SDCCAG8: variants seen among roughly 807,000 people sequenced by gnomAD.
The protein encoded by SDCCAG8 is serologically defined colon cancer antigen 8.
A neutral mutation model predicts 101.8 loss-of-function variants in SDCCAG8; 74 were observed. The observed-to-expected ratio is 0.73, with a 90% CI of 0.60 to 0.88. SDCCAG8 has a LOEUF of 0.88. Among genes scored for constraint, SDCCAG8 ranks in the 40% least tolerant of loss-of-function variants. The pLI is 0.00. For synonymous variants in SDCCAG8, 281 were observed against 292.9 expected (o/e 0.96, Z 0.41); for missense variants, 787 against 822.6 (o/e 0.96, Z 0.53).
intron 4 of SDCCAG8, among the ~76,000 whole-genome samples, chr1:243,283,674 C>A (rs1254153418): frequency 2.0e-5 from 3 of 151,982 alleles, no homozygotes; most frequent in African/African-American, 7.2e-5. Flanking sequence ...GCTTATATTA[C>A]CCCGCTGTTC....
In SDCCAG8 at chr1:243,432,457, T is replaced by G. The variant is rs192040600; in HGVS notation, c.1985+5899T>G. 6.0e-4 allele frequency among the ~76,000 whole-genome samples: 92 copies of G among 152,302 alleles called. 1 individual carries two copies. The East Asian group carries it at 0.013, about 22-fold the overall frequency. On this transcript the variant is annotated intron_variant, in intron 16 of 17. Coordinates refer to ENST00000366541, the MANE Select transcript of SDCCAG8 (RefSeq NM_006642.5). ...CGGCTTAATACTAGGGTGACAGTTA[T>G]AATCTCTTCACAATCTCCCATGATA...
intron 13 of SDCCAG8, among the ~76,000 whole-genome samples, chr1:243,390,362 C>T (rs574766733): frequency 2.6e-5 from 4 of 152,200 alleles, no homozygotes; most frequent in African/African-American, 7.2e-5. Flanking sequence ...TTCCTTCCCC[C>T]ACCCAGTATC....
intron 9 of SDCCAG8, among the ~76,000 whole-genome samples, chr1:243,329,870 A>G (rs894493557): frequency 1.1e-4 from 16 of 152,340 alleles, no homozygotes; most frequent in African/African-American, 3.1e-4. Context: ...AATTTACAGT[A>G]AAGGACAATC....
chr1:243,463,279 A>C (rs1179394752), intron 16 of SDCCAG8, among the ~76,000 whole-genome samples: 1 of 152,280 alleles, frequency 6.6e-6, no homozygotes, highest in Admixed American at 6.5e-5. Context: ...TGAGAAGGCC[A>C]AGAGGAGCTC....
intron 17 of SDCCAG8, 125 bp downstream of exon 17, chr1:243,489,265 G>A (rs1665785314): frequency 1.5e-6 from 2 of 1,315,238 alleles, no homozygotes; most frequent in Non-Finnish European, 2.1e-6. Flanking sequence ...TGGGAGGGAG[G>A]TCCCGAAGAC....
At chr1:243,309,328 T>C (rs28692482) in intron 8 of SDCCAG8, among the ~76,000 whole-genome samples, 8,128 of 152,274 alleles carry the variant, frequency 0.053, 709 homozygotes, top group African/African-American at 0.18. Context: ...ACCTAACTCA[T>C]AGAGTTACCT....
In SDCCAG8 at chr1:243,268,114, C is replaced by A. The variant is rs1015642708; in HGVS notation, c.68-1991C>A. On this transcript the variant is annotated intron_variant, in intron 1 of 17. Coordinates refer to ENST00000366541, the MANE Select transcript of SDCCAG8 (RefSeq NM_006642.5). ...TATAGTTCCTCATTTTCTTTTGCTT[C>A]CTCATGGTCACACCACACTCCTGTT... is the stretch of plus-strand genomic sequence containing the variant. 5 of 687,798 alleles carry A rather than the reference C, an allele frequency of 7.3e-6. No individual in the cohort carries two copies. In the East Asian group the frequency reaches 1.3e-4, roughly 17 times the overall value. The allele number at this position is 687,798 out of a possible 1,614,324, so 42.6% of individuals were successfully genotyped here. A position where few individuals can be genotyped will look rare whatever the true frequency, so the allele number is the denominator to read the frequency against.
rs538532344 is a variant in SDCCAG8, at chr1:243,441,371, A to AT, written c.1985+14820dup. On this transcript the variant is annotated intron_variant, in intron 16 of 17. Transcript: ENST00000366541. ...AACCAGCCCATGGTACTTCTCTGCT[A>AT]TTTTTTTATCTTTTTCTTTGTCTGA... is the stretch of plus-strand genomic sequence containing the variant. Among the ~76,000 whole-genome samples the AT allele has an allele frequency of 4.2e-3, 645 of 152,044 alleles. 8 individuals carry two copies. Among genetic ancestry groups the AT allele is most frequent in the African/African-American group, 0.015 (610 of 41,478 alleles).
chr1:243,315,577 A>G (rs1273757326), intron 8 of SDCCAG8, among the ~76,000 whole-genome samples: 1 of 152,202 alleles, frequency 6.6e-6, no homozygotes, highest in East Asian at 1.9e-4. Flanking sequence ...GTTCAGTATT[A>G]CATGTTTCTT....
At chr1:243,303,932 G>A (rs1558263239) in intron 6 of SDCCAG8, among the ~76,000 whole-genome samples, 3 of 152,110 alleles carry the variant, frequency 2.0e-5, no homozygotes, top group South Asian at 4.1e-4. Flanking sequence ...AATTAGCCGG[G>A]CGTGGTGGCA....
At chr1:243,462,878 C>T (rs1010560884) in intron 16 of SDCCAG8, among the ~76,000 whole-genome samples, 4 of 151,946 alleles carry the variant, frequency 2.6e-5, no homozygotes, top group African/African-American at 9.7e-5. Flanking sequence ...CAAAAAAAAA[C>T]CCTAGGCTCT....
At chr1:243,386,853 G>C (rs2147930906) in intron 13 of SDCCAG8, among the ~76,000 whole-genome samples, 1 of 152,258 alleles carries the variant, frequency 6.6e-6, no homozygotes, top group African/African-American at 2.4e-5. Flanking sequence ...GTGAATTTTG[G>C]CTTGAATTTT....
chr1:243,289,686 AGATAAT>A (rs2070024896), intron 5 of SDCCAG8, among the ~76,000 whole-genome samples: 1 of 152,220 alleles, frequency 6.6e-6, no homozygotes, highest in Admixed American at 6.5e-5. Context: ...TCACAGAGCT[AGATAAT>A]GGCAAAGCAA....
intron 1 of SDCCAG8, among the ~76,000 whole-genome samples, chr1:243,260,507 A>C (rs1282437557): frequency 6.6e-6 from 1 of 152,204 alleles, no homozygotes; most frequent in Non-Finnish European, 1.5e-5. Context: ...AGCCACAATT[A>C]TAGGCAATCC....
chr1:243,279,401 C>T (rs2068840394), intron 4 of SDCCAG8, among the ~76,000 whole-genome samples: 1 of 152,232 alleles, frequency 6.6e-6, no homozygotes, highest in African/African-American at 2.4e-5. Flanking sequence ...TCTGTGATTG[C>T]ATGGCTAACT....
At chr1:243,313,588 T>C (rs933304280) in intron 8 of SDCCAG8, among the ~76,000 whole-genome samples, 3 of 152,240 alleles carry the variant, frequency 2.0e-5, no homozygotes, top group Non-Finnish European at 2.9e-5. Flanking sequence ...AACACAGTGT[T>C]GCTGGCTTTG....
intron 17 of SDCCAG8, among the ~76,000 whole-genome samples, chr1:243,498,339 C>T (rs1317908348): frequency 6.6e-6 from 1 of 152,196 alleles, no homozygotes; most frequent in Non-Finnish European, 1.5e-5. Flanking sequence ...GGGTGGACTC[C>T]TCATGGGCCA....
chr1:243,491,268 A>G lies in SDCCAG8; in HGVS notation c.2112+2128A>G, dbSNP rs571902539. ...GAGTTGCAAAATTTTCACAAAACGC[A>G]TTAAAAAAACCCCAAACCTCAAAAA... On this transcript the variant is annotated intron_variant, in intron 17 of 17. Coordinates refer to ENST00000366541, the MANE Select transcript of SDCCAG8 (RefSeq NM_006642.5). Among the ~76,000 whole-genome samples, 18 of 152,358 alleles carry G rather than the reference A, an allele frequency of 1.2e-4. No individual in the cohort carries two copies. The East Asian group carries it at 3.5e-3, about 29-fold the overall frequency.
At chr1:243,471,391 A>G (rs1482798768) in intron 16 of SDCCAG8, among the ~76,000 whole-genome samples, 1 of 152,098 alleles carries the variant, frequency 6.6e-6, no homozygotes, top group African/African-American at 2.4e-5. Context: ...TCGAACTCTG[A>G]GACTTGACTC....
Sources: allele counts gnomAD v4.1 joint callset (sites outside exome capture counted in the v4.1 genomes callset), GRCh38; gene constraint gnomAD v4.1.1; transcripts MANE v1.5; gene names NCBI Gene and HGNC (gene_info 2026-07-23, HGNC 2026-07-21).